The following DGKI variants were observed in gnomAD, a reference collection of about 807,000 sequenced individuals.
DGKI encodes diacylglycerol kinase iota.
Under a neutral mutation model 147.5 loss-of-function variants are expected in DGKI, and 55 were observed. The ratio of observed to expected loss-of-function variants is 0.37; its 90% CI spans 0.30 to 0.47. DGKI has a LOEUF of 0.47. Ranked by LOEUF, DGKI falls within the 20% of genes least tolerant of loss-of-function variation. The pLI is 1.00. For synonymous variants in DGKI, 469 were observed against 477.1 expected (o/e 0.98, Z 0.22); for missense variants, 1,007 against 1,323.8 (o/e 0.76, Z 3.71).
intron 23 of DGKI, among the ~76,000 whole-genome samples, chr7:137,474,246 T>G (rs953633913): frequency 6.6e-6 from 1 of 152,194 alleles, no homozygotes; most frequent in African/African-American, 2.4e-5. Context: ...CAAAAAAAAT[T>G]GCCCTTGAAT....
At chr7:137,488,471 G>C (rs1403828719) in intron 21 of DGKI, among the ~76,000 whole-genome samples, 1 of 151,950 alleles carries the variant, frequency 6.6e-6, no homozygotes, top group Non-Finnish European at 1.5e-5. Context: ...ACTTCAGATA[G>C]AATCACAAGA....
rs192238139 is a variant in DGKI at position 137,729,763 on chromosome 7, T to A, written c.402-39761A>T. On this transcript the variant is annotated intron_variant, in intron 1 of 32. Transcript: ENST00000614521. ...TAAGAGTGAGGTCTGTATCTTACTC[T>A]GTCTTTTTCTTGAAATTTTCTTGGC... is the stretch of plus-strand genomic sequence containing the variant. 2.8e-3 allele frequency among the ~76,000 whole-genome samples: 428 copies of A among 152,222 alleles called. 2 individuals carry two copies. Among genetic ancestry groups the A allele is most frequent in the African/African-American group, 0.01 (417 of 41,536 alleles).
intron 1 of DGKI, among the ~76,000 whole-genome samples, chr7:137,750,116 A>G (rs1795452773): frequency 6.6e-6 from 1 of 152,202 alleles, no homozygotes; most frequent in East Asian, 1.9e-4. Flanking sequence ...GGCAAGAAGA[A>G]GTGGGGAAAC....
chr7:137,486,570 C>A (rs1435628185), intron 22 of DGKI, among the ~76,000 whole-genome samples: 2 of 152,014 alleles, frequency 1.3e-5, no homozygotes, highest in Non-Finnish European at 2.9e-5. Context: ...CTTAATGAAG[C>A]CGTAAGTGTA....
chr7:137,713,263 C>T (rs941382312), intron 1 of DGKI, among the ~76,000 whole-genome samples: 2 of 152,144 alleles, frequency 1.3e-5, no homozygotes, highest in Admixed American at 6.6e-5. Flanking sequence ...AGATACCTGG[C>T]TCCAGCTTGG....
chr7:137,436,392 T>C (rs1585114149), intron 28 of DGKI, among the ~76,000 whole-genome samples: 2 of 152,244 alleles, frequency 1.3e-5, no homozygotes, highest in Non-Finnish European at 1.5e-5. Context: ...GAGGTCTTTA[T>C]TTAACAAATA....
chr7:137,836,356 T>C (rs576460403), intron 1 of DGKI, among the ~76,000 whole-genome samples: 2 of 152,362 alleles, frequency 1.3e-5, no homozygotes, highest in African/African-American at 4.8e-5. Flanking sequence ...ATGAACATAC[T>C]GACGAATTCT....
chr7:137,646,343 C>A (rs1281134359), intron 5 of DGKI, among the ~76,000 whole-genome samples: 1 of 152,164 alleles, frequency 6.6e-6, no homozygotes, highest in East Asian at 1.9e-4. Context: ...ACAAGCATAT[C>A]AATGATGTTT....
At chr7:137,574,148 T>A (rs1045312938) in intron 17 of DGKI, among the ~76,000 whole-genome samples, 4 of 152,208 alleles carry the variant, frequency 2.6e-5, no homozygotes, top group Non-Finnish European at 4.4e-5. Context: ...CACCTGCATT[T>A]TTTTTCCCAG....
chr7:137,829,354 T>G (rs1344657903), intron 1 of DGKI, among the ~76,000 whole-genome samples: 1 of 152,232 alleles, frequency 6.6e-6, no homozygotes, highest in Non-Finnish European at 1.5e-5. Context: ...TACAACTTCT[T>G]AACTTGGGAA....
Position 137,846,658 on chromosome 7 carries a change from T to TGCC in DGKI, c.202_204dup (p.Gly68dup). 3 of 1,070,498 alleles carry TGCC rather than the reference T, an allele frequency of 2.8e-6. No individual in the cohort carries two copies. Among genetic ancestry groups the TGCC allele is most frequent in the Non-Finnish European group, 3.4e-6 (3 of 883,858 alleles). 66.3% of individuals were successfully genotyped at this position (1,070,498 alleles called of 1,614,324 possible). ...CCGGCGCCGCTTCCGCTGCTGCTGC[T>TGCC]GCCGCCCGTCGCCCCTTTCTCCTCT... is the stretch of plus-strand genomic sequence containing the variant. On this transcript the variant is annotated inframe_insertion, in exon 1 of 33. Coordinates refer to ENST00000614521, the MANE Select transcript of DGKI (RefSeq NM_001321708.2). The surrounding 1 kb of genome is among the most constrained non-coding windows in gnomAD (Gnocchi z 4.0).
At chr7:137,412,295 T>A in intron 28 of DGKI, 88 bp from the exon 29 acceptor site, 1 of 1,242,276 alleles carries the variant, frequency 8.0e-7, no homozygotes, top group Non-Finnish European at 1.2e-6. Flanking sequence ...TTTGGATAAG[T>A]AGTCTACATT....
chr7:137,397,429 G>T lies in DGKI; in HGVS notation c.2921-16C>A, dbSNP rs1490214114. The T allele has an allele frequency of 1.2e-6, 2 of 1,609,934 alleles. No homozygotes were observed. Among genetic ancestry groups the T allele is most frequent in the East Asian group, 4.5e-5 (2 of 44,792 alleles). On this transcript the variant is annotated splice_polypyrimidine_tract_variant and intron_variant, in intron 30 of 32. Coordinates refer to ENST00000614521, the MANE Select transcript of DGKI (RefSeq NM_001321708.2). ...TCGGAAGGTCCTAAATAAGAAGAAA[G>T]CAAGATGACCGTCAAAAATAAGCTC...
chr7:137,648,749 AC>A (rs1821919825), intron 5 of DGKI, among the ~76,000 whole-genome samples: 1 of 152,188 alleles, frequency 6.6e-6, no homozygotes. Context: ...GGTAATTGAA[AC>A]CTTGGAAAGC....
At chr7:137,691,723 A>G (rs1823608943) in intron 1 of DGKI, among the ~76,000 whole-genome samples, 1 of 151,314 alleles carries the variant, frequency 6.6e-6, no homozygotes, top group African/African-American at 2.4e-5. Flanking sequence ...AGAAGCCAGT[A>G]AGAATCCAGG....
intron 28 of DGKI, among the ~76,000 whole-genome samples, chr7:137,441,630 T>C (rs1323110480): frequency 6.6e-6 from 1 of 152,170 alleles, no homozygotes; most frequent in African/African-American, 2.4e-5. Flanking sequence ...ACCAGGGTTA[T>C]TGGACGTTGC....
chr7:137,745,274 G>GTACC (rs1265445391), intron 1 of DGKI, among the ~76,000 whole-genome samples: 5 of 152,158 alleles, frequency 3.3e-5, no homozygotes, highest in Admixed American at 1.3e-4. Context: ...AAGGCAGTGA[G>GTACC]TACCTCTCTC....
At chr7:137,678,528 TC>T (rs745507985) in intron 3 of DGKI, 28 bp downstream of exon 3, 3 of 1,607,176 alleles carry the variant, frequency 1.9e-6, no homozygotes, top group Non-Finnish European at 2.6e-6. Flanking sequence ...CCACAGGCCT[TC>T]CCCCAGCAAG....
At chr7:137,407,387 A>G (rs1811995774) in intron 30 of DGKI, among the ~76,000 whole-genome samples, 1 of 152,214 alleles carries the variant, frequency 6.6e-6, no homozygotes, top group Admixed American at 6.5e-5. Flanking sequence ...ACATTTTCAA[A>G]GAGAATAAAG....
Sources: allele counts gnomAD v4.1 joint callset (sites outside exome capture counted in the v4.1 genomes callset), GRCh38; gene constraint gnomAD v4.1.1; non-coding constraint Gnocchi (gnomAD v3.1); transcripts MANE v1.5; gene names NCBI Gene and HGNC (gene_info 2026-07-23, HGNC 2026-07-21).